Variants in C6orf89 observed in about 807,000 individuals in gnomAD.
C6orf89 encodes chromosome 6 open reading frame 89.
A neutral mutation model predicts 40.7 loss-of-function variants in C6orf89; 29 were observed. The observed-to-expected ratio is 0.71, with a 90% CI of 0.53 to 0.97. The LOEUF (loss-of-function observed/expected upper bound fraction) is 0.97. Ranked by LOEUF, C6orf89 falls within the 50% of genes least tolerant of loss-of-function variation. The pLI is 0.00. For missense variants in C6orf89, 392 were observed against 429.1 expected, an observed-to-expected ratio of 0.91 and a Z score of 0.76; for synonymous variants, 165 against 152.2, an observed-to-expected ratio of 1.08 and a Z score of -0.62.
chr6:36,917,755 A>G (rs1762377088), intron 7 of C6orf89, among the ~76,000 whole-genome samples: 1 of 152,212 alleles, frequency 6.6e-6, no homozygotes, highest in African/African-American at 2.4e-5. Flanking sequence ...CGCCGGCTGG[A>G]ATTCCAGGCC....
At chr6:36,904,113 C>T (rs781583917) in intron 4 of C6orf89, among the ~76,000 whole-genome samples, 4 of 152,014 alleles carry the variant, frequency 2.6e-5, no homozygotes, top group Admixed American at 6.5e-5. Context: ...GCCTCCCTAA[C>T]GGCAACTCCT....
At position 36,913,627 on chromosome 6, in the gene C6orf89, G is replaced by A. The variant is rs557328359; in HGVS notation, c.404-657G>A. On this transcript the variant is annotated intron_variant, in intron 4 of 8. Coordinates refer to ENST00000480824, the MANE Select transcript of C6orf89 (RefSeq NM_001286635.2). The stretch of plus-strand genomic sequence containing the variant: ...ATGGGTCATAGGTTAGAAAATGTTG[G>A]GGGAACTACATCTTTAGCTCCACAT... Among the ~76,000 whole-genome samples the A allele has an allele frequency of 9.8e-5, 15 of 152,304 alleles. No individual in the cohort carries two copies. The South Asian group carries it at 2.9e-3, about 29-fold the overall frequency.
At chr6:36,876,382 G>A (rs1332163268) in intron 1 of C6orf89, among the ~76,000 whole-genome samples, 1 of 152,102 alleles carries the variant, frequency 6.6e-6, no homozygotes, top group Non-Finnish European at 1.5e-5. Flanking sequence ...TAGGAGAGAT[G>A]GGCAACTAAA....
chr6:36,895,051 A>G (rs2045297824), intron 2 of C6orf89, among the ~76,000 whole-genome samples: 1 of 152,176 alleles, frequency 6.6e-6, no homozygotes, highest in African/African-American at 2.4e-5. Context: ...ATACAACTCT[A>G]TAGAGAACCA....
chr6:36,876,409 C>T (rs941162116), intron 1 of C6orf89, among the ~76,000 whole-genome samples: 4 of 152,030 alleles, frequency 2.6e-5, no homozygotes, highest in African/African-American at 7.2e-5. Flanking sequence ...GCTGTAGGAG[C>T]GTGGAATGAG....
At chr6:36,876,885 AG>A (rs1334442461) in intron 1 of C6orf89, among the ~76,000 whole-genome samples, 1 of 152,172 alleles carries the variant, frequency 6.6e-6, no homozygotes, top group Middle Eastern at 3.2e-3. Flanking sequence ...AGAAGCCATG[AG>A]GGGTCAAATC....
chr6:36,918,978 C>T (rs192664305), intron 7 of C6orf89, among the ~76,000 whole-genome samples: 93 of 152,342 alleles, frequency 6.1e-4, no homozygotes, highest in Middle Eastern at 3.4e-3. Flanking sequence ...GGTAGCATGG[C>T]ATATCTGCTC....
chr6:36,886,152 G>T, intron 1 of C6orf89, 124 bp downstream of exon 1: 1 of 913,154 alleles, frequency 1.1e-6, no homozygotes, highest in South Asian at 5.1e-5. Context: ...TCCCAGCGCG[G>T]ATCCCTTTTC....
At chr6:36,887,991 G>A (rs1236695106) in intron 1 of C6orf89, among the ~76,000 whole-genome samples, 1 of 152,094 alleles carries the variant, frequency 6.6e-6, no homozygotes, top group Non-Finnish European at 1.5e-5. Context: ...TCCCAGTGTT[G>A]GGATTACAGG....
intron 3 of C6orf89, among the ~76,000 whole-genome samples, chr6:36,901,635 C>G (rs941580498): frequency 1.8e-4 from 26 of 143,518 alleles, no homozygotes; most frequent in African/African-American, 6.6e-4. Context: ...CGCCCGGCCC[C>G]CTTTGTGTAT....
intron 4 of C6orf89, among the ~76,000 whole-genome samples, chr6:36,902,914 G>T (rs1761777784): frequency 6.6e-6 from 1 of 152,170 alleles, no homozygotes; most frequent in African/African-American, 2.4e-5. Flanking sequence ...TAGTCCTTCT[G>T]TCTGTCACAG....
intron 8 of C6orf89, 94 bp downstream of exon 8, chr6:36,919,795 T>A (rs1412053382): frequency 7.6e-7 from 1 of 1,318,938 alleles, no homozygotes. Flanking sequence ...TCACAAAAGT[T>A]TTATTTAGTA....
intron 2 of C6orf89, 23 bp from the exon 3 acceptor site, chr6:36,899,403 T>C (rs1292134387): frequency 6.2e-7 from 1 of 1,609,946 alleles, no homozygotes; most frequent in Non-Finnish European, 8.5e-7. Flanking sequence ...TTTTTACATT[T>C]ATTTTCTCTC....
chr6:36,922,118 C>T (rs1340598288), intron 8 of C6orf89, among the ~76,000 whole-genome samples: 1 of 152,214 alleles, frequency 6.6e-6, no homozygotes, highest in African/African-American at 2.4e-5. Flanking sequence ...GGGCAGATCA[C>T]CTGAGGTCAG....
intron 3 of C6orf89, among the ~76,000 whole-genome samples, chr6:36,900,076 A>C (rs1761609732): frequency 6.6e-6 from 1 of 151,534 alleles, no homozygotes; most frequent in African/African-American, 2.4e-5. Flanking sequence ...TAGTAGAGAC[A>C]GGTTTTCTCC....
At chr6:36,878,338 T>A (rs1774715021) in intron 1 of C6orf89, among the ~76,000 whole-genome samples, 1 of 152,230 alleles carries the variant, frequency 6.6e-6, no homozygotes, top group African/African-American at 2.4e-5. Context: ...CCCAGTAGTA[T>A]TTTGTTTGCA....
At chr6:36,884,744 G>A (rs12664239), upstream of C6orf89, among the ~76,000 whole-genome samples, 45,961 of 151,956 alleles carry the variant, frequency 0.3, 7,732 homozygotes, top group Non-Finnish European at 0.37. The surrounding 1 kb of genome is among the most constrained non-coding windows in gnomAD (Gnocchi z 4.0). Context: ...ATTTTGGACT[G>A]AGCTCATGCA....
upstream of C6orf89, among the ~76,000 whole-genome samples, chr6:36,881,942 A>T (rs999506915): frequency 6.6e-6 from 1 of 152,228 alleles, no homozygotes; most frequent in Non-Finnish European, 1.5e-5. Flanking sequence ...ACTAGCTTTA[A>T]CATTAAAAAT....
intron 3 of C6orf89, among the ~76,000 whole-genome samples, chr6:36,900,032 C>T (rs1761606519): frequency 1.3e-5 from 2 of 151,612 alleles, no homozygotes; most frequent in South Asian, 4.2e-4. Flanking sequence ...GGATTACAGG[C>T]GTGCGCCACC....
Sources: allele counts gnomAD v4.1 joint callset (sites outside exome capture counted in the v4.1 genomes callset), GRCh38; gene constraint gnomAD v4.1.1; non-coding constraint Gnocchi (gnomAD v3.1); transcripts MANE v1.5; gene names NCBI Gene and HGNC (gene_info 2026-07-23, HGNC 2026-07-21).